AGL: variants seen among roughly 807,000 people sequenced by gnomAD.
AGL encodes amylo-alpha-1,6-glucosidase and 4-alpha-glucanotransferase.
In AGL, 128 loss-of-function variants were observed where a neutral mutation model predicts 199.3. The ratio of observed to expected loss-of-function variants is 0.64; its 90% CI spans 0.56 to 0.74. AGL has a LOEUF of 0.74. AGL is among the 30% of genes least tolerant of loss of function. The pLI, the probability that AGL is intolerant of heterozygous loss-of-function variation, is 0.00. For synonymous variants in AGL, 584 were observed against 594.7 expected (o/e 0.98, Z 0.26); for missense variants, 1,809 against 1,820.8 (o/e 0.99, Z 0.12).
intron 7 of AGL, among the ~76,000 whole-genome samples, chr1:99,871,269 C>T (rs1447912624): frequency 6.6e-6 from 1 of 152,050 alleles, no homozygotes; most frequent in Non-Finnish European, 1.5e-5. Context: ...CCTTAACTGA[C>T]GTAGAGGGGC....
At chr1:99,879,081 A>T (rs1651800200) in intron 12 of AGL, among the ~76,000 whole-genome samples, 1 of 152,198 alleles carries the variant, frequency 6.6e-6, no homozygotes. Context: ...AGCTAGATAG[A>T]TAGCACCAGT....
At chr1:99,850,725 T>C in intron 1 of AGL, 1 of 335,878 alleles carries the variant, frequency 3.0e-6, no homozygotes, top group Non-Finnish European at 5.6e-6. Context: ...CTGAGAATGG[T>C]CTAGGTTTTT....
At chr1:99,871,411 C>CT (rs1491554904) in intron 7 of AGL, among the ~76,000 whole-genome samples, 1 of 3,716 alleles carries the variant, frequency 2.7e-4, no homozygotes, top group Non-Finnish European at 3.7e-4. Context: ...AGTTAATGTG[C>CT]CCCCCCCCCC....
chr1:99,914,297 A>G (rs1654954877), intron 30 of AGL, among the ~76,000 whole-genome samples: 1 of 152,214 alleles, frequency 6.6e-6, no homozygotes, highest in Admixed American at 6.5e-5. Flanking sequence ...TCAGCACACT[A>G]GTTGGAAAGC....
chr1:99,874,049 A>C (rs1421130943), intron 7 of AGL, among the ~76,000 whole-genome samples: 1 of 152,172 alleles, frequency 6.6e-6, no homozygotes, highest in African/African-American at 2.4e-5. Context: ...TTTAATTTTT[A>C]AGTTATTATC....
chr1:99,909,306 T>C lies in AGL; in HGVS notation c.3701-1406T>C, dbSNP rs17121617. On this transcript the variant is annotated intron_variant, in intron 27 of 33. Transcript: ENST00000361915. ...GGCCACCTACTACTGCCAGGTTGGG[T>C]GTGGAAGTTCATACTCCCCAGATTC... Among the ~76,000 whole-genome samples, 845 of 152,170 alleles carry C rather than the reference T, an allele frequency of 5.6e-3. 20 individuals are homozygous for C. The highest frequency in any genetic ancestry group is 0.04 in the Admixed American group (613 of 15,288).
chr1:99,851,698 T>G (rs575359392), intron 2 of AGL, among the ~76,000 whole-genome samples: 4 of 152,232 alleles, frequency 2.6e-5, no homozygotes, highest in Non-Finnish European at 5.9e-5. Context: ...TTGATCTGTA[T>G]TTAAAAGATC....
At chr1:99,920,921 A>T (rs1197716115) in intron 33 of AGL, among the ~76,000 whole-genome samples, 2 of 152,206 alleles carry the variant, frequency 1.3e-5, no homozygotes, top group Non-Finnish European at 2.9e-5. Flanking sequence ...TTTAACCTCT[A>T]TAAATCTCTC....
At chr1:99,864,653 C>T (rs1165105678) in intron 5 of AGL, 64 bp downstream of exon 5, 2 of 1,376,274 alleles carry the variant, frequency 1.5e-6, no homozygotes, top group East Asian at 2.3e-5. Context: ...CACATATACA[C>T]ACAAATAAGA....
chr1:99,900,314 T>G (rs1653725712), intron 25 of AGL, among the ~76,000 whole-genome samples: 1 of 152,198 alleles, frequency 6.6e-6, no homozygotes, highest in South Asian at 2.1e-4. Flanking sequence ...ACTTCGATTT[T>G]GAAATACCAT....
chr1:99,870,662 T>G (rs1207800775), intron 6 of AGL, 81 bp downstream of exon 6: 3 of 1,511,262 alleles, frequency 2.0e-6, no homozygotes, highest in Non-Finnish European at 2.7e-6. Flanking sequence ...GAAAATTACT[T>G]AGAACCTGTA....
intron 29 of AGL, among the ~76,000 whole-genome samples, chr1:99,913,312 T>C: frequency 6.6e-6 from 1 of 152,198 alleles, no homozygotes; most frequent in East Asian, 1.9e-4. Context: ...CATGAGCTAT[T>C]TTACATTCTT....
At chr1:99,894,826 C>A (rs1033453209) in intron 24 of AGL, among the ~76,000 whole-genome samples, 2 of 152,060 alleles carry the variant, frequency 1.3e-5, no homozygotes, top group African/African-American at 4.8e-5. Context: ...TATACAGTTA[C>A]AATTTTCAAT....
At chr1:99,892,965 T>C (rs1411478179) in intron 24 of AGL, among the ~76,000 whole-genome samples, 1 of 152,158 alleles carries the variant, frequency 6.6e-6, no homozygotes, top group Non-Finnish European at 1.5e-5. Context: ...CAAGAGGTCA[T>C]GTAAGGGTCC....
chr1:99,888,619 G>A (rs995412742), intron 21 of AGL, among the ~76,000 whole-genome samples: 4 of 151,922 alleles, frequency 2.6e-5, no homozygotes, highest in African/African-American at 9.7e-5. Context: ...GTTTTATCCT[G>A]TAAAGAGAAC....
intron 4 of AGL, 23 bp from the exon 5 acceptor site, chr1:99,864,363 T>A (rs1557749311): frequency 6.3e-7 from 1 of 1,590,398 alleles, no homozygotes; most frequent in Non-Finnish European, 8.6e-7. Flanking sequence ...TTTACAGTGG[T>A]CTTTCCTTTA....
chr1:99,918,258 A>C (rs1485785985), intron 33 of AGL, among the ~76,000 whole-genome samples: 1 of 152,186 alleles, frequency 6.6e-6, no homozygotes, highest in Non-Finnish European at 1.5e-5. Context: ...ACCTACCATC[A>C]CATCCATGCT....
At chr1:99,877,129 G>T (rs187551354) in intron 11 of AGL, among the ~76,000 whole-genome samples, 311 of 152,052 alleles carry the variant, frequency 2.0e-3, no homozygotes, top group Non-Finnish European at 3.3e-3. Flanking sequence ...TCGAAACTAG[G>T]AGTCTATATT....
chr1:99,897,112 G>C (rs1009539535), intron 25 of AGL, among the ~76,000 whole-genome samples: 1 of 152,176 alleles, frequency 6.6e-6, no homozygotes, highest in Non-Finnish European at 1.5e-5. Flanking sequence ...ACCGTGCCCG[G>C]CCGTAAAATG....
Sources: gnomAD v4.1 joint callset for allele counts (sites outside exome capture counted in the v4.1 genomes callset) on GRCh38, gnomAD v4.1.1 for gene constraint, MANE v1.5 for transcripts, NCBI Gene and HGNC (gene_info 2026-07-23, HGNC 2026-07-21) for gene names.